The following LUZP2 variants were observed in gnomAD, a reference collection of about 807,000 sequenced individuals.
The protein encoded by LUZP2 is leucine zipper protein 2.
In LUZP2, 52 loss-of-function variants were observed where a neutral mutation model predicts 51.6. That is an observed-to-expected ratio of 1.01 (90% CI 0.81 to 1.27). The LOEUF (loss-of-function observed/expected upper bound fraction) is 1.27. Ranked by LOEUF, LUZP2 falls within the 50% of genes most tolerant of loss-of-function variation. LUZP2 has a pLI of 0.00. For missense variants in LUZP2, 436 were observed against 395.4 expected (o/e 1.10, Z -0.87); for synonymous variants, 154 against 137.3 (o/e 1.12, Z -0.85).
At chr11:24,652,029 A>ATATATGTGTGTACACATGTTG (rs879500181) in intron 1 of LUZP2, among the ~76,000 whole-genome samples, 65 of 150,848 alleles carry the variant, frequency 4.3e-4, no homozygotes, top group African/African-American at 9.2e-4. Context: ...GTATATATAG[A>ATATATGTGTGTACACATGTTG]TATATGTGTG....
At chr11:25,045,116 G>A (rs1196827603) in intron 9 of LUZP2, among the ~76,000 whole-genome samples, 1 of 150,342 alleles carries the variant, frequency 6.7e-6, no homozygotes, top group Non-Finnish European at 1.5e-5. Context: ...TAAATGACGA[G>A]TTAATGGGTG....
At chr11:24,823,722 G>T (rs1459122682) in intron 5 of LUZP2, among the ~76,000 whole-genome samples, 3 of 152,050 alleles carry the variant, frequency 2.0e-5, no homozygotes, top group Non-Finnish European at 2.9e-5. Context: ...ATATTGAAGG[G>T]ATATATAAAA....
At chr11:24,988,497 T>C (rs1314735441) in intron 9 of LUZP2, among the ~76,000 whole-genome samples, 30 of 152,044 alleles carry the variant, frequency 2.0e-4, no homozygotes, top group Admixed American at 1.7e-3. Context: ...CCAATGTTCT[T>C]GTTACTTTAT....
At chr11:24,977,082 A>G (rs1855900475) in intron 8 of LUZP2, among the ~76,000 whole-genome samples, 1 of 151,800 alleles carries the variant, frequency 6.6e-6, no homozygotes, top group Non-Finnish European at 1.5e-5. Flanking sequence ...TATAATTTAT[A>G]CTTATCTATA....
chr11:24,854,803 A>G (rs1851506182), intron 5 of LUZP2, among the ~76,000 whole-genome samples: 1 of 152,204 alleles, frequency 6.6e-6, no homozygotes, highest in Non-Finnish European at 1.5e-5. Context: ...TGCAAAGCCC[A>G]TGGGAAAAAC....
chr11:24,894,175 ATT>A (rs35929813), intron 5 of LUZP2, among the ~76,000 whole-genome samples: 6 of 134,838 alleles, frequency 4.4e-5, no homozygotes, highest in Non-Finnish European at 3.1e-5. Context: ...AAAGTAATTC[ATT>A]TTTTTTTTTT....
chr11:24,519,413 G>A (rs1214299185), intron 1 of LUZP2, among the ~76,000 whole-genome samples: 1 of 152,122 alleles, frequency 6.6e-6, no homozygotes, highest in African/African-American at 2.4e-5. Flanking sequence ...TTGAATGTAA[G>A]ATTCATTCCT....
chr11:24,840,348 T>C (rs988747946), intron 5 of LUZP2, among the ~76,000 whole-genome samples: 1 of 151,896 alleles, frequency 6.6e-6, no homozygotes, highest in African/African-American at 2.4e-5. Flanking sequence ...TAGGAAACAT[T>C]TGACACGTAC....
intron 10 of LUZP2, among the ~76,000 whole-genome samples, chr11:25,068,706 C>A (rs1489765920): frequency 2.0e-5 from 3 of 151,950 alleles, no homozygotes; most frequent in Non-Finnish European, 4.4e-5. Flanking sequence ...CATGTTACTG[C>A]AGGATATTTA....
chr11:24,498,072 C>T (rs566584923), intron 1 of LUZP2, among the ~76,000 whole-genome samples: 13 of 152,276 alleles, frequency 8.5e-5, no homozygotes, highest in African/African-American at 3.1e-4. Context: ...TGTGACTCCC[C>T]ACTGTTGATC....
intron 9 of LUZP2, among the ~76,000 whole-genome samples, chr11:24,997,369 G>C (rs1349554347): frequency 6.6e-6 from 1 of 152,190 alleles, no homozygotes; most frequent in Non-Finnish European, 1.5e-5. Context: ...CTGATGGCCA[G>C]TGATGGTGAG....
chr11:24,884,419 C>T (rs111601105), intron 5 of LUZP2, among the ~76,000 whole-genome samples: 25 of 152,058 alleles, frequency 1.6e-4, no homozygotes, highest in African/African-American at 2.9e-4. Flanking sequence ...GTAAACACTC[C>T]GTAAATGCTA....
At chr11:25,065,891 G>C (rs1183984255) in intron 10 of LUZP2, among the ~76,000 whole-genome samples, 1 of 151,934 alleles carries the variant, frequency 6.6e-6, no homozygotes, top group African/African-American at 2.4e-5. Context: ...TTAATCTGAT[G>C]ACTACGTTCT....
intron 1 of LUZP2, among the ~76,000 whole-genome samples, chr11:24,538,648 TTA>T (rs1265150066): frequency 4.5e-5 from 4 of 88,766 alleles, no homozygotes; most frequent in African/African-American, 1.2e-4. Context: ...TATGTGTTTT[TTA>T]TATGTGTGTG....
At chr11:24,891,543 A>G (rs1237768166) in intron 5 of LUZP2, 3 of 935,556 alleles carry the variant, frequency 3.2e-6, no homozygotes, top group Non-Finnish European at 3.8e-6. Flanking sequence ...TATTTCTAGC[A>G]AGAAAAGAAA....
At chr11:25,071,080 A>G (rs1029392702) in intron 10 of LUZP2, among the ~76,000 whole-genome samples, 1 of 151,262 alleles carries the variant, frequency 6.6e-6, no homozygotes, top group Non-Finnish European at 1.5e-5. Flanking sequence ...ACAATTAACA[A>G]TGACCATGTC....
chr11:25,039,192 C>G (rs1431783808), intron 9 of LUZP2, among the ~76,000 whole-genome samples: 1 of 152,106 alleles, frequency 6.6e-6, no homozygotes, highest in African/African-American at 2.4e-5. Context: ...GGGATTGGAC[C>G]TGAACTAGTG....
chr11:24,564,426 A>G (rs1852151213), intron 1 of LUZP2, among the ~76,000 whole-genome samples: 3 of 152,298 alleles, frequency 2.0e-5, no homozygotes, highest in African/African-American at 7.2e-5. Context: ...CTATCACAAA[A>G]ATAACATTAT....
chr11:24,992,875 A>G lies in LUZP2; in HGVS notation c.765+9582A>G, dbSNP rs528565076. ...ATTTAAGCATATTTAATTTAAGTAT[A>G]CATAATGCCAGTTCACAATTCTGGA... On this transcript the variant is annotated intron_variant, in intron 9 of 11. Coordinates refer to ENST00000336930, the MANE Select transcript of LUZP2 (RefSeq NM_001009909.4). Among the ~76,000 whole-genome samples, 18 of 152,292 alleles carry G rather than the reference A, an allele frequency of 1.2e-4. 1 individual carries two copies. In the South Asian group the frequency reaches 3.7e-3, roughly 32 times the overall value.
Sources: gnomAD v4.1 joint callset for allele counts (sites outside exome capture counted in the v4.1 genomes callset) on GRCh38, gnomAD v4.1.1 for gene constraint, MANE v1.5 for transcripts, NCBI Gene and HGNC (gene_info 2026-07-23, HGNC 2026-07-21) for gene names.